Variants in HS3ST5 observed in about 807,000 individuals in gnomAD.
HS3ST5 encodes heparan sulfate-glucosamine 3-sulfotransferase 5.
HS3ST5 carries 10 observed loss-of-function variants against 25.4 expected under a neutral mutation model. The observed-to-expected ratio is 0.39, with a 90% confidence interval of 0.24 to 0.67. The LOEUF is 0.67. Ranked by LOEUF, HS3ST5 falls within the 30% of genes least tolerant of loss-of-function variation. HS3ST5 has a pLI of 0.44. For missense variants in HS3ST5, 324 were observed against 420.7 expected (o/e 0.77, Z 2.01); for synonymous variants, 170 against 162.4 (o/e 1.05, Z -0.36).
At chr6:114,139,634 A>C (rs1306581890) in intron 3 of HS3ST5, among the ~76,000 whole-genome samples, 1 of 152,190 alleles carries the variant, frequency 6.6e-6, no homozygotes, top group Non-Finnish European at 1.5e-5. Flanking sequence ...AATACATGCT[A>C]GATTCCCAAC....
intron 3 of HS3ST5, among the ~76,000 whole-genome samples, chr6:114,094,031 C>A (rs1775288453): frequency 6.6e-6 from 1 of 151,928 alleles, no homozygotes; most frequent in Non-Finnish European, 1.5e-5. Context: ...GTAAGGATAC[C>A]AAATAGGATG....
Position 114,156,619 on chromosome 6 carries a change from G to A in HS3ST5, c.-33+11732C>T, listed in dbSNP as rs62415766. ...GCTCAAAGCCAGCCTCTTCTAAGCA[G>A]AGTTGCCACAGATCTCCTTTTTGAC... On this transcript the variant is annotated intron_variant, in intron 3 of 4. Transcript: ENST00000312719. Among the ~76,000 whole-genome samples, 500 of 152,284 alleles carry A rather than the reference G, an allele frequency of 3.3e-3. 2 individuals carry two copies. Among genetic ancestry groups the A allele is most frequent in the Non-Finnish European group, 5.4e-3 (369 of 68,030 alleles).
chr6:114,230,896 G>A (rs1771558539), intron 1 of HS3ST5, among the ~76,000 whole-genome samples: 1 of 151,900 alleles, frequency 6.6e-6, no homozygotes, highest in Non-Finnish European at 1.5e-5. Context: ...CCCCTAAGAC[G>A]TACTTCTTAA....
At chr6:114,114,089 C>T (rs951964108) in intron 3 of HS3ST5, among the ~76,000 whole-genome samples, 2 of 152,106 alleles carry the variant, frequency 1.3e-5, no homozygotes, top group Admixed American at 6.6e-5. Context: ...TGGGCTTTCT[C>T]TGCATTTGTT....
chr6:114,122,493 G>A (rs1776841745), intron 3 of HS3ST5, among the ~76,000 whole-genome samples: 1 of 152,072 alleles, frequency 6.6e-6, no homozygotes, highest in African/African-American at 2.4e-5. Context: ...GAAAATCTCT[G>A]GAATTCTAAA....
intron 4 of HS3ST5, among the ~76,000 whole-genome samples, chr6:114,060,162 C>T (rs1271960664): frequency 2.6e-5 from 4 of 151,602 alleles, no homozygotes; most frequent in South Asian, 4.2e-4. Context: ...TACAGGCGTG[C>T]GCCACCATAC....
At chr6:114,213,242 T>TTCTCC (rs1298215235) in intron 2 of HS3ST5, among the ~76,000 whole-genome samples, 59 of 151,118 alleles carry the variant, frequency 3.9e-4, no homozygotes, top group African/African-American at 1.2e-3. Flanking sequence ...GCTGCTTCTC[T>TTCTCC]TCTCCTCTCC....
chr6:114,298,229 T>A (rs1459065942), intron 1 of HS3ST5, among the ~76,000 whole-genome samples: 1 of 152,238 alleles, frequency 6.6e-6, no homozygotes, highest in East Asian at 1.9e-4. Flanking sequence ...CCATGATGAT[T>A]TTTGTTTCAA....
intron 1 of HS3ST5, among the ~76,000 whole-genome samples, chr6:114,341,209 T>G (rs1292559417): frequency 0.059 from 1,585 of 26,834 alleles, no homozygotes; most frequent in East Asian, 0.069. Flanking sequence ...GGAGAGGGAA[T>G]AGGGAGAGAG....
chr6:114,150,299 C>T (rs917064432), intron 3 of HS3ST5, among the ~76,000 whole-genome samples: 3 of 152,092 alleles, frequency 2.0e-5, no homozygotes, highest in South Asian at 2.1e-4. Context: ...TTCACACAAC[C>T]GCTAATATAA....
intron 2 of HS3ST5, among the ~76,000 whole-genome samples, chr6:114,195,157 G>C (rs952312089): frequency 6.6e-6 from 1 of 152,186 alleles, no homozygotes; most frequent in Non-Finnish European, 1.5e-5. Context: ...CTGCTGTTTG[G>C]ATGATGTCAG....
At chr6:114,132,520 T>G (rs1245848774) in intron 3 of HS3ST5, among the ~76,000 whole-genome samples, 1 of 152,180 alleles carries the variant, frequency 6.6e-6, no homozygotes, top group African/African-American at 2.4e-5. Flanking sequence ...TTTCCAGAAA[T>G]GTGCTCCTGG....
chr6:114,269,957 G>C (rs1248214272), intron 1 of HS3ST5, among the ~76,000 whole-genome samples: 1 of 152,154 alleles, frequency 6.6e-6, no homozygotes, highest in Non-Finnish European at 1.5e-5. Context: ...TCCATGATCA[G>C]TCAATGGGAG....
chr6:114,057,558 A>T lies in HS3ST5; in HGVS notation c.740T>A (p.Ile247Asn), dbSNP rs17793043. 13,768 of 1,614,206 alleles carry T rather than the reference A, an allele frequency of 8.5e-3. 85 individuals carry two copies. Among genetic ancestry groups the T allele is most frequent in the Non-Finnish European group, 0.011 (12,409 of 1,180,040 alleles). The change falls in exon 5 of 5, where the codon ATT becomes AAT. Residue 247 changes from isoleucine to asparagine, a missense_variant. Transcript: ENST00000312719. Reference sequence around the variant, plus strand: ...TCCATCGACGACATGAAATTGCTCAATTGGAAAGTATTTCAACCACCTTTC... The same window carrying T: ...TCCATCGACGACATGAAATTGCTCATTTGGAAAGTATTTCAACCACCTTTC... ...HLERWLKYFP[I>N]EQFHVVDGDR...
At chr6:114,229,022 A>G (rs897542239) in intron 1 of HS3ST5, among the ~76,000 whole-genome samples, 6 of 152,196 alleles carry the variant, frequency 3.9e-5, no homozygotes, top group African/African-American at 1.4e-4. Flanking sequence ...ACATTGCATC[A>G]GGTGATATCA....
In HS3ST5 at chr6:114,228,624, T is replaced by G. The variant is rs1771424896; in HGVS notation, c.-184A>C. 1 of 152,120 alleles carries G rather than the reference T, an allele frequency of 6.6e-6. No individual in the cohort carries two copies. Among genetic ancestry groups the G allele is most frequent in the Admixed American group, 6.6e-5 (1 of 15,262 alleles). The allele number at this position is 152,120 out of a possible 1,614,324, so 9.4% of individuals were successfully genotyped here. On this transcript the variant is annotated 5_prime_UTR_variant, in exon 2 of 5. Coordinates refer to ENST00000312719, the MANE Select transcript of HS3ST5 (RefSeq NM_153612.4). ...GCTCATTCAGCAATTTTTGAACATA[T>G]ATGGTGGAAACTTTCAAAGGAATAT...
intron 2 of HS3ST5, among the ~76,000 whole-genome samples, chr6:114,201,125 T>C (rs937534459): frequency 1.1e-4 from 17 of 152,160 alleles, no homozygotes; most frequent in African/African-American, 3.6e-4. Context: ...TACTTGGATG[T>C]CTAATAAAAA....
Position 114,058,033 on chromosome 6 carries a change from G to C in HS3ST5, c.265C>G (p.Gln89Glu). ...CCAATGATAATGGCCTTGGGGAGCT[G>C]CTGGACCAGGTCATGGAGGCGAACC... ...EQVRLHDLVQQLPKAIIIGVR... is the reference protein window; with the variant it reads ...EQVRLHDLVQELPKAIIIGVR... The change falls in exon 5 of 5, where the codon CAG becomes GAG. Residue 89 changes from glutamine to glutamate, a missense_variant. Physicochemically the swap from Gln to Glu is conservative, Grantham distance 29. This residue lies in a region of HS3ST5 where 121 missense variants were observed against 117.3 expected (regional missense o/e 1.03). Coordinates refer to ENST00000312719, the MANE Select transcript of HS3ST5 (RefSeq NM_153612.4). The C allele has an allele frequency of 1.9e-6, 3 of 1,614,168 alleles. No individual in the cohort carries two copies. The highest frequency in any genetic ancestry group is 2.5e-6 in the Non-Finnish European group (3 of 1,180,032).
intron 3 of HS3ST5, among the ~76,000 whole-genome samples, chr6:114,087,304 C>G (rs562408362): frequency 7.2e-5 from 11 of 152,244 alleles, no homozygotes; most frequent in African/African-American, 2.4e-4. Context: ...GCATGATGCC[C>G]GTTCTTCCAT....
Sources: allele counts gnomAD v4.1 joint callset (sites outside exome capture counted in the v4.1 genomes callset), GRCh38; gene constraint gnomAD v4.1.1; regional missense constraint gnomAD v4.1.1; transcripts MANE v1.5; gene names NCBI Gene and HGNC (gene_info 2026-07-23, HGNC 2026-07-21).